Variants in CEP350 observed in about 807,000 individuals in gnomAD.
CEP350 encodes the protein centrosomal protein 350, also known as centrosome-associated protein 350.
In CEP350, 126 loss-of-function variants were observed where a neutral mutation model predicts 331.8. The ratio of observed to expected loss-of-function variants is 0.38; its 90% CI spans 0.33 to 0.44. The LOEUF (loss-of-function observed/expected upper bound fraction) is 0.44. CEP350 is among the 20% of genes least tolerant of loss of function. The pLI is 1.00. For missense variants in CEP350, 3,406 were observed against 3,634.6 expected (o/e 0.94, Z 1.62); for synonymous variants, 1,200 against 1,259.5 (o/e 0.95, Z 1.00).
chr1:180,043,089 G>A lies in CEP350; in HGVS notation c.4396G>A (p.Ala1466Thr). 6.2e-7 allele frequency: 1 copy of A among 1,613,640 alleles called. No individual in the cohort carries two copies. The highest frequency in any genetic ancestry group is 1.1e-5 in the South Asian group (1 of 91,024). Residue 1466 changes from alanine (A) to threonine (T), a missense_variant, in exon 20 of 38, where the codon GCT becomes ACT. Coordinates refer to ENST00000367607, the MANE Select transcript of CEP350 (RefSeq NM_014810.5). ...GTTGACTAGAACTCATATCTCAGAT[G>A]CTGTCGTGGCTTCAGGAGCTCCCCT... ...AELTRTHISDAVVASGAPLAI... is the reference protein window; with the variant it reads ...AELTRTHISDTVVASGAPLAI...
chr1:180,043,741 T>C (rs1656919166), intron 20 of CEP350, among the ~76,000 whole-genome samples: 1 of 151,268 alleles, frequency 6.6e-6, no homozygotes, highest in South Asian at 2.1e-4. Context: ...AAAGAGATTA[T>C]TTTTGGCGGG....
At chr1:179,975,031 A>G (rs1651757967) in intron 1 of CEP350, among the ~76,000 whole-genome samples, 1 of 152,016 alleles carries the variant, frequency 6.6e-6, no homozygotes, top group South Asian at 2.1e-4. Context: ...TGAAGAGAAT[A>G]CTATAGGAAA....
In CEP350 at chr1:180,098,969, G is replaced by C; in HGVS notation, c.9173G>C (p.Arg3058Pro). The C allele has an allele frequency of 6.2e-7, 1 of 1,613,514 alleles. No homozygotes were observed. ...AAATTTGGAAGAAAGAAAAGAGACC[G>C]AGTGGATCATATCCTGGTCAGTGTA... ...MMKFGRKKRDRVDHILVQELH... is the reference protein window; with the variant it reads ...MMKFGRKKRDPVDHILVQELH... The change falls in exon 37 of 38, where the codon CGA becomes CCA. Residue 3058 changes from arginine (R) to proline (P), a missense_variant. Physicochemically the swap from Arg to Pro is moderately radical, Grantham distance 103 (BLOSUM62 -2). Coordinates refer to ENST00000367607, the MANE Select transcript of CEP350 (RefSeq NM_014810.5).
At chr1:180,071,640 G>A (rs1039971092) in intron 27 of CEP350, among the ~76,000 whole-genome samples, 5 of 151,860 alleles carry the variant, frequency 3.3e-5, no homozygotes, top group Admixed American at 6.6e-5. Context: ...AAAATTAGCC[G>A]GGCATGGTGG....
chr1:179,974,495 C>T (rs994339373), intron 1 of CEP350, among the ~76,000 whole-genome samples: 1 of 152,160 alleles, frequency 6.6e-6, no homozygotes, highest in African/African-American at 2.4e-5. Context: ...TCCTTAAGGA[C>T]CACACAACCT....
Position 179,969,153 on chromosome 1 carries a change from T to TA in CEP350, c.-14+14012dup, listed in dbSNP as rs1390765413. ...AAGGAAGCTCACTCAGTGGGTTTGA[T>TA]ATGGTGGGTGCTGGCCGGGGAAGTT... is the stretch of plus-strand genomic sequence containing the variant. On this transcript the variant is annotated intron_variant, in intron 1 of 37. Transcript: ENST00000367607. 18 of 637,512 alleles carry TA rather than the reference T, an allele frequency of 2.8e-5. No individual in the cohort carries two copies. The Admixed American group carries it at 3.4e-4, about 12-fold the overall frequency. The allele number at this position is 637,512 out of a possible 1,614,324, so 39.5% of individuals were successfully genotyped here. A position where few individuals can be genotyped will look rare whatever the true frequency, so the allele number is the denominator to read the frequency against.
chr1:180,033,917 A>G lies in CEP350; in HGVS notation c.3781A>G (p.Ser1261Gly). The change falls in exon 16 of 38, where the codon AGT becomes GGT. Residue 1261 changes from serine (S) to glycine (G), a missense_variant. Physicochemically the swap from Ser to Gly is moderately conservative, Grantham distance 56 (BLOSUM62 0). Coordinates refer to ENST00000367607, the MANE Select transcript of CEP350 (RefSeq NM_014810.5). ...QKTPTSPLSP[S>G]SQKSLQFDVA... Reference sequence around the variant, plus strand: ...AACTCCAACTTCTCCCCTGTCACCAAGTTCCCAGAAATCATTGCAGTTTGA... The same window carrying G: ...AACTCCAACTTCTCCCCTGTCACCAGGTTCCCAGAAATCATTGCAGTTTGA... 1 of 1,613,926 alleles carries G rather than the reference A, an allele frequency of 6.2e-7. No individual in the cohort carries two copies. Among genetic ancestry groups the G allele is most frequent in the Non-Finnish European group, 8.5e-7 (1 of 1,179,830 alleles).
intron 1 of CEP350, among the ~76,000 whole-genome samples, chr1:179,983,799 A>G (rs1303731058): frequency 6.6e-6 from 1 of 152,218 alleles, no homozygotes; most frequent in Non-Finnish European, 1.5e-5. Flanking sequence ...TTGTAAGGCA[A>G]ATAACTCATT....
At chr1:180,054,726 C>G (rs1279222686) in intron 25 of CEP350, among the ~76,000 whole-genome samples, 2 of 152,268 alleles carry the variant, frequency 1.3e-5, no homozygotes, top group Non-Finnish European at 2.9e-5. Context: ...ATAAAATACA[C>G]AGGCAAACTT....
At chr1:179,968,202 G>A (rs898330297) in intron 1 of CEP350, among the ~76,000 whole-genome samples, 4 of 151,994 alleles carry the variant, frequency 2.6e-5, no homozygotes, top group Admixed American at 1.3e-4. Context: ...ATGATGGTAT[G>A]TGCCTGTAAT....
Position 180,014,126 on chromosome 1 carries a change from C to A in CEP350, c.1673C>A (p.Ala558Glu). 1 of 1,610,298 alleles carries A rather than the reference C, an allele frequency of 6.2e-7. No individual in the cohort carries two copies. Among genetic ancestry groups the A allele is most frequent in the South Asian group, 1.1e-5 (1 of 90,288 alleles). The change falls in exon 10 of 38, where the codon GCA (alanine) becomes GAA (glutamate). Residue 558 changes from alanine to glutamate, a missense_variant. Ala to Glu is a moderately radical substitution (Grantham distance 107). Coordinates refer to ENST00000367607, the MANE Select transcript of CEP350 (RefSeq NM_014810.5). The part of the protein sequence containing the change: ...TVELQNQKSS[A>E]PVHAPRSHSP... ...GAGTTACAGAACCAGAAGTCATCAGCACCAGTACATGCTCCTAGGAGTCAC... is the reference window on the plus strand; with the variant it reads ...GAGTTACAGAACCAGAAGTCATCAGAACCAGTACATGCTCCTAGGAGTCAC...
chr1:180,022,895 A>C (rs775912637), intron 13 of CEP350, 47 bp downstream of exon 13: 2 of 1,514,250 alleles, frequency 1.3e-6, no homozygotes, highest in South Asian at 1.2e-5. Context: ...AGTGAGAAAA[A>C]TGTACAAATG....
At chr1:180,045,651 T>G (rs1054385377) in intron 21 of CEP350, among the ~76,000 whole-genome samples, 6 of 152,226 alleles carry the variant, frequency 3.9e-5, no homozygotes, top group African/African-American at 1.4e-4. Context: ...TAAACCATCA[T>G]CTGGATTACT....
At chr1:180,037,686 G>T (rs547523949) in intron 17 of CEP350, among the ~76,000 whole-genome samples, 2 of 152,018 alleles carry the variant, frequency 1.3e-5, no homozygotes, top group South Asian at 4.1e-4. Context: ...GAGTCTCACC[G>T]TTGCCCAGGC....
In CEP350 at chr1:180,110,978, A is replaced by C; in HGVS notation, c.9190-19A>C. 1.2e-6 allele frequency: 2 copies of C among 1,608,256 alleles called. No homozygotes were observed. The highest frequency in any genetic ancestry group is 1.7e-6 in the Non-Finnish European group (2 of 1,175,162). ...TGTATGACAGGAATTTTCTAACCTTATTGTCTTCTAAATCCTAGGTTCAGG... is the reference window on the plus strand; with the variant it reads ...TGTATGACAGGAATTTTCTAACCTTCTTGTCTTCTAAATCCTAGGTTCAGG... On this transcript the variant is annotated intron_variant, in intron 37 of 37. Transcript: ENST00000367607.
chr1:180,037,197 G>C (rs1656415266), intron 17 of CEP350, 108 bp downstream of exon 17: 5 of 947,050 alleles, frequency 5.3e-6, no homozygotes, highest in Non-Finnish European at 5.9e-6. Flanking sequence ...AAAATAGTCT[G>C]CCATATAGCA....
rs1030018776 is a variant in CEP350 at position 179,994,545 on chromosome 1, C to CT, written c.396-2007dup. On this transcript the variant is annotated intron_variant, in intron 5 of 37. Coordinates refer to ENST00000367607, the MANE Select transcript of CEP350 (RefSeq NM_014810.5). ...CACAGCTCACTACAGCCTTGATCTC[C>CT]TAGGCTCAAGCCATCCTCCCACCTC... Among the ~76,000 whole-genome samples the CT allele has an allele frequency of 7.3e-4, 111 of 151,560 alleles. 1 individual carries two copies. Among genetic ancestry groups the CT allele is most frequent in the African/African-American group, 2.6e-3 (109 of 41,222 alleles).
In CEP350 at chr1:180,014,442, A is replaced by G. The variant is rs374082571; in HGVS notation, c.1989A>G (p.Lys663=). The G allele has an allele frequency of 1.2e-6, 2 of 1,609,908 alleles. No homozygotes were observed. The highest frequency in any genetic ancestry group is 1.7e-6 in the Non-Finnish European group (2 of 1,178,376). The change falls in exon 10 of 38, where the codon AAA becomes AAG. Residue 663 remains lysine, a synonymous_variant. Transcript: ENST00000367607. ...ATRRLQETYS[K]LLLEKTLLEE... is the part of the protein sequence containing the mutation. ...GGCGACTACAGGAAACTTACTCCAA[A>G]TTGCTACTAGAAAAGACCTTGCTTG...
Position 180,062,290 on chromosome 1 carries a change from A to C in CEP350, c.5333A>C (p.Gln1778Pro). The part of the protein sequence containing the change: ...RKERQLILKQ[Q>P]EEIEKIRQTT... ...GAAAGACAGCTGATTCTTAAACAGC[A>C]GGAGGAGATAGAAAAGATCCGACAG... The change falls in exon 26 of 38, where the codon CAG becomes CCG. Residue 1778 changes from glutamine to proline, a missense_variant. By Grantham distance (76) the Gln-to-Pro change is moderately conservative. Coordinates refer to ENST00000367607, the MANE Select transcript of CEP350 (RefSeq NM_014810.5). 1 of 1,611,150 alleles carries C rather than the reference A, an allele frequency of 6.2e-7. No homozygotes were observed. Among genetic ancestry groups the C allele is most frequent in the Non-Finnish European group, 8.5e-7 (1 of 1,178,438 alleles).
Sources: gnomAD v4.1 joint callset for allele counts (sites outside exome capture counted in the v4.1 genomes callset) on GRCh38, gnomAD v4.1.1 for gene constraint, MANE v1.5 for transcripts, NCBI Gene and HGNC (gene_info 2026-07-23, HGNC 2026-07-21) for gene names.